Variants in ENTREP2 observed in about 807,000 individuals in gnomAD.
ENTREP2 encodes endosomal transmembrane epsin interactor 2.
At chr15:29,418,411 A>G in the ENTREP2 span, among the ~76,000 whole-genome samples, 1 of 152,156 alleles carries the variant, frequency 6.6e-6, no homozygotes, top group Admixed American at 6.5e-5. Context: ...CGTGCAGAGT[A>G]CAGAAGCCAT....
At chr15:29,387,631 T>C in the ENTREP2 span, among the ~76,000 whole-genome samples, 1 of 152,152 alleles carries the variant, frequency 6.6e-6, no homozygotes, top group Non-Finnish European at 1.5e-5. Context: ...TTAAAGTTCA[T>C]ATGGAACCAA....
chr15:29,317,685 T>A, the ENTREP2 span, among the ~76,000 whole-genome samples: 1 of 152,180 alleles, frequency 6.6e-6, no homozygotes, highest in African/African-American at 2.4e-5. Flanking sequence ...CTAGAAAACA[T>A]GGGGAATGGC....
the ENTREP2 span, among the ~76,000 whole-genome samples, chr15:29,512,154 A>G: frequency 2.6e-5 from 4 of 152,108 alleles, no homozygotes; most frequent in African/African-American, 9.7e-5. Context: ...TAATGAAACT[A>G]AAGCTTTGTG....
chr15:29,126,424 G>A, the ENTREP2 span: 65 of 1,549,826 alleles, frequency 4.2e-5, no homozygotes, highest in African/African-American at 6.8e-4. Context: ...CAGGGCCATC[G>A]GGGGATGGGC....
chr15:29,508,250 G>A, the ENTREP2 span, among the ~76,000 whole-genome samples: 5 of 152,138 alleles, frequency 3.3e-5, no homozygotes, highest in Admixed American at 2.0e-4. Flanking sequence ...AATTGAAGCA[G>A]TAATTAATAG....
the ENTREP2 span, among the ~76,000 whole-genome samples, chr15:29,299,803 G>A: frequency 4.2e-4 from 64 of 152,276 alleles, no homozygotes; most frequent in East Asian, 0.012. Context: ...TATCCCCAGA[G>A]CCTAGTATAT....
the ENTREP2 span, among the ~76,000 whole-genome samples, chr15:29,642,532 A>C: frequency 6.8e-6 from 1 of 148,116 alleles, no homozygotes. Context: ...ATACACATAT[A>C]TATCATATGT....
chr15:29,180,066 G>C, the ENTREP2 span, among the ~76,000 whole-genome samples: 1 of 152,148 alleles, frequency 6.6e-6, no homozygotes. Flanking sequence ...TGACCAGAGA[G>C]AAAGACGGAA....
the ENTREP2 span, among the ~76,000 whole-genome samples, chr15:29,215,643 A>G: frequency 6.6e-6 from 1 of 151,860 alleles, no homozygotes; most frequent in Admixed American, 6.6e-5. Flanking sequence ...ACACACCATT[A>G]TACAAATGTC....
At chr15:29,576,952 C>T in the ENTREP2 span, among the ~76,000 whole-genome samples, 2 of 151,966 alleles carry the variant, frequency 1.3e-5, no homozygotes. Context: ...GGACTACAGG[C>T]GCCCGCCACC....
At chr15:29,552,542 T>G in the ENTREP2 span, among the ~76,000 whole-genome samples, 2 of 152,004 alleles carry the variant, frequency 1.3e-5, no homozygotes, top group Admixed American at 1.3e-4. Context: ...AAGGCCAGCC[T>G]GGGCAACATA....
the ENTREP2 span, among the ~76,000 whole-genome samples, chr15:29,280,448 C>G: frequency 6.6e-6 from 1 of 152,152 alleles, no homozygotes; most frequent in African/African-American, 2.4e-5. Context: ...CAAGCTTAAT[C>G]TCAGTTGGAC....
At chr15:29,347,761 G>A in the ENTREP2 span, among the ~76,000 whole-genome samples, 1 of 152,304 alleles carries the variant, frequency 6.6e-6, no homozygotes, top group African/African-American at 2.4e-5. Context: ...ACCTAGAAGG[G>A]CTCATCAGGA....
At chr15:29,276,482 A>G in the ENTREP2 span, among the ~76,000 whole-genome samples, 1 of 152,166 alleles carries the variant, frequency 6.6e-6, no homozygotes, top group Non-Finnish European at 1.5e-5. Context: ...CACAGGATTC[A>G]GGCCAGACAC....
the ENTREP2 span, among the ~76,000 whole-genome samples, chr15:29,248,812 TC>T: frequency 2.6e-5 from 4 of 152,120 alleles, no homozygotes; most frequent in African/African-American, 9.7e-5. Flanking sequence ...TGGGTAAACT[TC>T]CCTAAAAGGC....
chr15:29,235,062 A>G, the ENTREP2 span: 2 of 1,123,224 alleles, frequency 1.8e-6, no homozygotes, highest in Non-Finnish European at 2.7e-6. Flanking sequence ...CCCCACAGCC[A>G]GGACAGGTCC....
the ENTREP2 span, among the ~76,000 whole-genome samples, chr15:29,284,556 CAAAA>C: frequency 0.59 from 73,689 of 125,360 alleles, 21,241 homozygotes; most frequent in Middle Eastern, 0.74. Flanking sequence ...GACTCCATCT[CAAAA>C]AAAAAAAAAA....
At chr15:29,446,385 GT>G in the ENTREP2 span, among the ~76,000 whole-genome samples, 20 of 151,614 alleles carry the variant, frequency 1.3e-4, no homozygotes, top group East Asian at 1.6e-3. Context: ...TTCTTGGAAG[GT>G]TTTTTTTTCC....
At chr15:29,562,704 A>G in the ENTREP2 span, among the ~76,000 whole-genome samples, 1 of 152,208 alleles carries the variant, frequency 6.6e-6, no homozygotes, top group African/African-American at 2.4e-5. Flanking sequence ...TCAAATGACT[A>G]GGACTTTTTA....
Sources: gnomAD v4.1 joint callset for allele counts (sites outside exome capture counted in the v4.1 genomes callset) on GRCh38, gnomAD v4.1.1 for gene constraint, MANE v1.5 for transcripts, NCBI Gene and HGNC (gene_info 2026-07-23, HGNC 2026-07-21) for gene names.